RBFOX1: variants seen among roughly 807,000 people sequenced by gnomAD.
RBFOX1 encodes RNA binding protein fox-1 homolog 1.
In RBFOX1, 8 loss-of-function variants were observed where a neutral mutation model predicts 57.7. The observed-to-expected ratio is 0.14, with a 90% CI of 0.08 to 0.25. The LOEUF (loss-of-function observed/expected upper bound fraction) is 0.25. Among genes scored for constraint, RBFOX1 ranks in the 10% least tolerant of loss-of-function variants. RBFOX1 has a pLI of 1.00. For synonymous variants in RBFOX1, 326 were observed against 222.4 expected, an observed-to-expected ratio of 1.47 and a Z score of -4.15; for missense variants, 611 against 548.5, an observed-to-expected ratio of 1.11 and a Z score of -1.14.
At chr16:5,426,413 C>T (rs533120190) in intron 1 of RBFOX1, among the ~76,000 whole-genome samples, 1 of 152,082 alleles carries the variant, frequency 6.6e-6, no homozygotes, top group African/African-American at 2.4e-5. Context: ...TCCATTGAAC[C>T]TAAAAGACTA....
intron 2 of RBFOX1, among the ~76,000 whole-genome samples, chr16:6,357,711 G>A (rs554555440): frequency 6.6e-6 from 1 of 152,214 alleles, no homozygotes; most frequent in African/African-American, 2.4e-5. Flanking sequence ...CACTTTGGGA[G>A]TCCTAGGCGG....
chr16:7,619,616 T>C (rs1400911275), intron 10 of RBFOX1, among the ~76,000 whole-genome samples: 1 of 152,054 alleles, frequency 6.6e-6, no homozygotes, highest in African/African-American at 2.4e-5. Context: ...GAAGTGACAA[T>C]AGAGAAGCCT....
intron 4 of RBFOX1, among the ~76,000 whole-genome samples, chr16:6,008,746 T>C (rs1420473307): frequency 6.6e-6 from 1 of 152,216 alleles, no homozygotes; most frequent in Non-Finnish European, 1.5e-5. Context: ...TGTGTTCAGA[T>C]AAGTACCTAC....
chr16:7,115,908 C>T (rs910653177), intron 4 of RBFOX1, among the ~76,000 whole-genome samples: 5 of 152,114 alleles, frequency 3.3e-5, no homozygotes, highest in Admixed American at 6.6e-5. Context: ...AGCAGTGATG[C>T]GTATAATAGG....
Position 5,365,984 on chromosome 16 carries a change from G to A in RBFOX1, c.220-101232G>A. The A allele has an allele frequency of 1.4e-5, 7 of 498,924 alleles. No homozygotes were observed. The Admixed American group carries it at 1.4e-4, about 10-fold the overall frequency. The allele number at this position is 498,924 out of a possible 1,614,324, so 30.9% of individuals were successfully genotyped here. On this transcript the variant is annotated intron_variant, in intron 1 of 2. Coordinates refer to the RBFOX1 transcript ENST00000585867. ...ATGAATCGTACATTGTGGAAGCAGA[G>A]GCAGTGAATTAGAAGGCAGTCCAAT...
intron 1 of RBFOX1, among the ~76,000 whole-genome samples, chr16:6,058,625 T>C (rs1341728944): frequency 6.7e-6 from 1 of 150,234 alleles, no homozygotes; most frequent in Non-Finnish European, 1.5e-5. Flanking sequence ...CACCCATCCA[T>C]CTACCCACCC....
intron 3 of RBFOX1, among the ~76,000 whole-genome samples, chr16:6,978,294 G>A (rs141264402): frequency 2.7e-3 from 406 of 152,248 alleles, no homozygotes; most frequent in African/African-American, 6.7e-3. Context: ...TCTTTATTGT[G>A]GTACTATGCA....
chr16:5,339,492 T>TTTTTTTTTTTTTTTTTTTTG (rs2064986716), intron 1 of RBFOX1, among the ~76,000 whole-genome samples: 1 of 127,272 alleles, frequency 7.9e-6, no homozygotes, highest in Non-Finnish European at 1.6e-5. Context: ...TTTTTTTTTT[T>TTTTTTTTTTTTTTTTTTTTG]TTTTTTTTGA....
chr16:5,252,746 A>T (rs1350899028), intron 1 of RBFOX1, among the ~76,000 whole-genome samples: 1 of 152,194 alleles, frequency 6.6e-6, no homozygotes, highest in African/African-American at 2.4e-5. Context: ...GCCAGACAAG[A>T]TGGCAAACAG....
chr16:7,240,514 A>G (rs947990455), intron 4 of RBFOX1, among the ~76,000 whole-genome samples: 1 of 152,048 alleles, frequency 6.6e-6, no homozygotes, highest in African/African-American at 2.4e-5. Context: ...TTCTGTTTCT[A>G]AATACTGGGG....
chr16:6,637,317 T>TTAAA (rs377698906), intron 2 of RBFOX1, among the ~76,000 whole-genome samples: 248 of 11,742 alleles, frequency 0.021, 15 homozygotes, highest in Non-Finnish European at 0.031. Flanking sequence ...ATATTATATA[T>TTAAA]TATATATATT....
chr16:6,961,135 T>TCACACACACTCACACACA (rs34830899), intron 3 of RBFOX1, among the ~76,000 whole-genome samples: 1 of 25,918 alleles, frequency 3.9e-5, no homozygotes, highest in Admixed American at 3.5e-4. Context: ...AGAGACTCCA[T>TCACACACACTCACACACA]CACACACACC....
chr16:5,914,778 C>T (rs929360086), intron 4 of RBFOX1, among the ~76,000 whole-genome samples: 6 of 152,022 alleles, frequency 3.9e-5, no homozygotes, highest in African/African-American at 1.4e-4. Context: ...GCCTGTAGTC[C>T]CAGCTACTCA....
At chr16:5,858,288 C>T (rs2057122424) in intron 3 of RBFOX1, among the ~76,000 whole-genome samples, 1 of 152,144 alleles carries the variant, frequency 6.6e-6, no homozygotes, top group African/African-American at 2.4e-5. Context: ...ACCCAGGCTC[C>T]TCCCTTCTTC....
At chr16:7,300,436 A>C (rs1354835855) in intron 4 of RBFOX1, among the ~76,000 whole-genome samples, 2 of 152,246 alleles carry the variant, frequency 1.3e-5, no homozygotes, top group African/African-American at 4.8e-5. Context: ...TTTAATGAAG[A>C]TGGAGACTAT....
chr16:6,210,834 C>T (rs1015664601), intron 1 of RBFOX1, among the ~76,000 whole-genome samples: 2 of 152,182 alleles, frequency 1.3e-5, no homozygotes, highest in Non-Finnish European at 2.9e-5. Context: ...CTTGTCAGCT[C>T]CAGGCAGTCC....
At chr16:5,795,632 C>A (rs373287972) in intron 3 of RBFOX1, among the ~76,000 whole-genome samples, 1 of 152,140 alleles carries the variant, frequency 6.6e-6, no homozygotes. Flanking sequence ...AATTCTTTCC[C>A]CTCCTTACCC....
chr16:5,909,627 G>A (rs1290968000), intron 4 of RBFOX1, among the ~76,000 whole-genome samples: 1 of 152,140 alleles, frequency 6.6e-6, no homozygotes, highest in South Asian at 2.1e-4. Flanking sequence ...TAACTCTGTA[G>A]CCTCCCTCCT....
intron 4 of RBFOX1, among the ~76,000 whole-genome samples, chr16:7,510,682 A>G (rs561542222): frequency 6.6e-6 from 1 of 152,320 alleles, no homozygotes; most frequent in South Asian, 2.1e-4. Context: ...GTTTCTCTGA[A>G]TATGCGCGAT....
Sources: gnomAD v4.1 joint callset for allele counts (sites outside exome capture counted in the v4.1 genomes callset) on GRCh38, gnomAD v4.1.1 for gene constraint, MANE v1.5 for transcripts, NCBI Gene and HGNC (gene_info 2026-07-23, HGNC 2026-07-21) for gene names.